Variants in THEMIS observed in about 807,000 individuals in gnomAD.
THEMIS encodes the protein thymocyte selection associated, also known as protein THEMIS.
THEMIS carries 37 observed loss-of-function variants against 52.6 expected under a neutral mutation model. The observed-to-expected ratio is 0.70, with a 90% CI of 0.54 to 0.93. The LOEUF (loss-of-function observed/expected upper bound fraction) is 0.93, where lower values mean the gene tolerates loss of function less well. Among genes scored for constraint, THEMIS ranks in the 40% least tolerant of loss-of-function variants. The pLI is 0.00. For missense variants in THEMIS, 808 were observed against 763.1 expected, an observed-to-expected ratio of 1.06 and a Z score of -0.69; for synonymous variants, 292 against 272.7, an observed-to-expected ratio of 1.07 and a Z score of -0.70.
At chr6:127,865,062 G>C (rs1447003697) in intron 1 of THEMIS, among the ~76,000 whole-genome samples, 1 of 152,088 alleles carries the variant, frequency 6.6e-6, no homozygotes, top group Non-Finnish European at 1.5e-5. Flanking sequence ...CTGAGCCTTG[G>C]GGTCCTGGGA....
chr6:127,806,731 A>G (rs760842529), intron 4 of THEMIS, among the ~76,000 whole-genome samples: 8 of 152,230 alleles, frequency 5.3e-5, no homozygotes, highest in Non-Finnish European at 1.2e-4. Flanking sequence ...AGATAGAAGT[A>G]TCAACACAGT....
At chr6:127,777,642 G>C (rs879322195) in intron 4 of THEMIS, among the ~76,000 whole-genome samples, 14 of 152,148 alleles carry the variant, frequency 9.2e-5, no homozygotes, top group Non-Finnish European at 1.8e-4. Flanking sequence ...GTGCTGGACT[G>C]AGAGCTGGAA....
chr6:127,863,532 G>A (rs1052899519), intron 1 of THEMIS, among the ~76,000 whole-genome samples: 5 of 152,220 alleles, frequency 3.3e-5, no homozygotes, highest in African/African-American at 7.2e-5. Flanking sequence ...ACTCTTCTAC[G>A]TAGAAGCCTT....
chr6:127,752,440 A>T (rs1037268783), intron 4 of THEMIS, among the ~76,000 whole-genome samples: 1 of 151,288 alleles, frequency 6.6e-6, no homozygotes, highest in Non-Finnish European at 1.5e-5. Flanking sequence ...CTCAAATAAA[A>T]ATAAATATAA....
chr6:127,802,355 C>G (rs1356509820), intron 4 of THEMIS, among the ~76,000 whole-genome samples: 4 of 152,292 alleles, frequency 2.6e-5, no homozygotes, highest in Admixed American at 2.6e-4. Flanking sequence ...AACGAGGGAA[C>G]CACTGTCACT....
At chr6:127,822,654 A>G (rs1374943530) in intron 3 of THEMIS, among the ~76,000 whole-genome samples, 2 of 152,162 alleles carry the variant, frequency 1.3e-5, no homozygotes, top group African/African-American at 4.8e-5. Flanking sequence ...TTAGTTTTAC[A>G]TATCAACTTG....
At chr6:127,733,567 G>A (rs918185016) in intron 4 of THEMIS, among the ~76,000 whole-genome samples, 1 of 152,148 alleles carries the variant, frequency 6.6e-6, no homozygotes, top group East Asian at 1.9e-4. Context: ...AGCCACAACT[G>A]CCCATTAACT....
Position 127,813,698 on chromosome 6 carries a change from C to A in THEMIS, c.943G>T (p.Ala315Ser). 3 of 1,613,982 alleles carry A rather than the reference C, an allele frequency of 1.9e-6. No homozygotes were observed. Among genetic ancestry groups the A allele is most frequent in the Non-Finnish European group, 2.5e-6 (3 of 1,179,968 alleles). ...ATTTCTGAAGCTAAGATTCTTGATGCCTGGTACTTTTTGTGGATCACAATG... is the reference window on the plus strand; with the variant it reads ...ATTTCTGAAGCTAAGATTCTTGATGACTGGTACTTTTTGTGGATCACAATG... ...KTIVIHKKYQ[A>S]SRILASEIRS... The change falls in exon 4 of 6, where the codon GCA becomes TCA. Residue 315 changes from alanine (A) to serine (S), a missense_variant. Ala to Ser is a moderately conservative substitution (Grantham distance 99). Coordinates refer to ENST00000368248, the MANE Select transcript of THEMIS (RefSeq NM_001010923.3).
At chr6:127,707,208 G>T (rs1040946266), downstream of THEMIS, among the ~76,000 whole-genome samples, 1 of 152,076 alleles carries the variant, frequency 6.6e-6, no homozygotes, top group African/African-American at 2.4e-5. Context: ...ATGACACATG[G>T]GGATTATGGG....
chr6:127,825,676 T>C (rs898575964), intron 3 of THEMIS, among the ~76,000 whole-genome samples: 3 of 152,162 alleles, frequency 2.0e-5, no homozygotes, highest in Admixed American at 6.5e-5. Flanking sequence ...GCAGCACCTA[T>C]GCAGTTGGTC....
upstream of THEMIS, among the ~76,000 whole-genome samples, chr6:127,903,095 G>T (rs1781185439): frequency 6.6e-6 from 1 of 151,996 alleles, no homozygotes. Flanking sequence ...AGTTTCCCAA[G>T]CCGGAAGGCT....
intron 5 of THEMIS, among the ~76,000 whole-genome samples, chr6:127,716,901 C>T (rs1188666605): frequency 6.6e-6 from 1 of 151,838 alleles, no homozygotes; most frequent in East Asian, 1.9e-4. Flanking sequence ...TCTGAGGAAT[C>T]AGTGACATCA....
intron 4 of THEMIS, among the ~76,000 whole-genome samples, chr6:127,735,096 G>A (rs1774956588): frequency 6.6e-6 from 1 of 151,306 alleles, no homozygotes. Flanking sequence ...TAGATCTATA[G>A]TCTCAGCAGA....
intron 1 of THEMIS, among the ~76,000 whole-genome samples, chr6:127,891,077 C>T (rs1347406613): frequency 6.6e-6 from 1 of 151,986 alleles, no homozygotes; most frequent in Non-Finnish European, 1.5e-5. Context: ...TTAATATGTC[C>T]AAAACAAAAC....
At chr6:127,781,928 G>T (rs1776758612) in intron 4 of THEMIS, among the ~76,000 whole-genome samples, 1 of 152,166 alleles carries the variant, frequency 6.6e-6, no homozygotes, top group South Asian at 2.1e-4. Flanking sequence ...GCACTGTGTG[G>T]GGAGATTTGC....
chr6:127,777,905 G>T (rs1285065905), intron 4 of THEMIS, among the ~76,000 whole-genome samples: 2 of 152,180 alleles, frequency 1.3e-5, no homozygotes, highest in East Asian at 1.9e-4. Flanking sequence ...GGGTGACTAG[G>T]TTCCCCAATA....
chr6:127,787,912 GATAGATAA>G (rs1167768125), intron 4 of THEMIS, among the ~76,000 whole-genome samples: 22 of 151,996 alleles, frequency 1.4e-4, no homozygotes, highest in Admixed American at 2.6e-4. Flanking sequence ...TAGATAGATA[GATAGATAA>G]ATAGATGCTC....
At chr6:127,826,750 C>T (rs1475323227) in intron 3 of THEMIS, among the ~76,000 whole-genome samples, 1 of 152,062 alleles carries the variant, frequency 6.6e-6, no homozygotes, top group Non-Finnish European at 1.5e-5. Context: ...GAGAAAGGCA[C>T]AATACACATC....
chr6:127,868,075 C>T (rs1047336215), intron 1 of THEMIS, among the ~76,000 whole-genome samples: 5 of 152,048 alleles, frequency 3.3e-5, no homozygotes, highest in Non-Finnish European at 7.4e-5. Flanking sequence ...ATTACTTCAC[C>T]TGTAAAATAA....
Sources: allele counts gnomAD v4.1 joint callset (sites outside exome capture counted in the v4.1 genomes callset), GRCh38; gene constraint gnomAD v4.1.1; transcripts MANE v1.5; gene names NCBI Gene and HGNC (gene_info 2026-07-23, HGNC 2026-07-21).